Variants in MED4 observed in about 807,000 individuals in gnomAD.
MED4 encodes mediator of RNA polymerase II transcription subunit 4.
In MED4, 21 loss-of-function variants were observed where a neutral mutation model predicts 35.0. The ratio of observed to expected loss-of-function variants is 0.60; its 90% CI spans 0.43 to 0.86. The LOEUF (loss-of-function observed/expected upper bound fraction) is 0.86. MED4 is among the 40% of genes least tolerant of loss of function. The pLI is 0.00. For synonymous variants in MED4, 138 were observed against 114.0 expected (o/e 1.21, Z -1.34); for missense variants, 300 against 319.4 (o/e 0.94, Z 0.46).
chr13:48,087,243 TA>T (rs1281210778), intron 2 of MED4, among the ~76,000 whole-genome samples: 2 of 151,842 alleles, frequency 1.3e-5, no homozygotes, highest in Non-Finnish European at 2.9e-5. Context: ...TGCATGCCTA[TA>T]ATCCCAGGTA....
rs1360157326 is a variant in MED4 at position 48,095,103 on chromosome 13, G to A, written c.-25C>T. On this transcript the variant is annotated 5_prime_UTR_variant, in exon 1 of 7. Coordinates refer to ENST00000258648, the MANE Select transcript of MED4 (RefSeq NM_014166.4). ...TTTTCCCCAGAGTCCCGCCACCGGC[G>A]CACGCGCAGAGCGAGCTGACGCAGG... The A allele has an allele frequency of 1.9e-6, 3 of 1,600,268 alleles. No homozygotes were observed. The highest frequency in any genetic ancestry group is 2.2e-5 in the East Asian group (1 of 44,862).
intron 1 of MED4, among the ~76,000 whole-genome samples, chr13:48,091,296 A>C (rs1444956895): frequency 6.6e-6 from 1 of 152,226 alleles, no homozygotes; most frequent in Non-Finnish European, 1.5e-5. Flanking sequence ...GATGAGCAAA[A>C]TAAGATTGGG....
intron 4 of MED4, among the ~76,000 whole-genome samples, chr13:48,082,602 C>T (rs1182379938): frequency 6.6e-6 from 1 of 152,094 alleles, no homozygotes; most frequent in East Asian, 1.9e-4. Context: ...CCGAGGTGGG[C>T]AGATCACGAG....
At chr13:48,077,524 G>A in intron 6 of MED4, 1 of 342,838 alleles carries the variant, frequency 2.9e-6, no homozygotes, top group Non-Finnish European at 5.2e-6. Flanking sequence ...CAATCCTCCT[G>A]CCTCAGCCTC....
chr13:48,088,349 T>C (rs1297984059), intron 2 of MED4, among the ~76,000 whole-genome samples: 1 of 152,242 alleles, frequency 6.6e-6, no homozygotes, highest in Non-Finnish European at 1.5e-5. Flanking sequence ...GTTCTTCTCA[T>C]TTTATAGGAA....
In MED4 at chr13:48,094,154, G is replaced by A. The variant is rs552803322; in HGVS notation, c.125+800C>T. Among the ~76,000 whole-genome samples the A allele has an allele frequency of 2.0e-5, 3 of 152,316 alleles. No individual in the cohort carries two copies. In the South Asian group the frequency reaches 6.2e-4, roughly 32 times the overall value. ...GGCCAATATAAAAGGATAAAGTGCA[G>A]AAGCATGAGGCAATTAAAACTGTTT... On this transcript the variant is annotated intron_variant, in intron 1 of 6. Transcript: ENST00000258648.
rs1336853640 is a variant in MED4 at position 48,076,711 on chromosome 13, CACAA to C, written c.*424_*427del. 6.5e-6 allele frequency: 1 copy of C among 152,866 alleles called. No individual in the cohort carries two copies. Among genetic ancestry groups the C allele is most frequent in the Non-Finnish European group, 1.5e-5 (1 of 68,526 alleles). 9.5% of individuals were successfully genotyped at this position (152,866 alleles called of 1,614,324 possible). A position where few individuals can be genotyped will look rare whatever the true frequency, so the allele number is the denominator to read the frequency against. The stretch of plus-strand genomic sequence containing the variant: ...CAGTTTTTGTTACTTTTAAATGACA[CACAA>C]AAAGAAATATGATGCCTATTCAGTC... On this transcript the variant is annotated 3_prime_UTR_variant, in exon 7 of 7. Coordinates refer to ENST00000258648, the MANE Select transcript of MED4 (RefSeq NM_014166.4).
chr13:48,084,041 A>C (rs928485814), intron 3 of MED4, among the ~76,000 whole-genome samples: 1 of 152,120 alleles, frequency 6.6e-6, no homozygotes, highest in South Asian at 2.1e-4. Context: ...CAGGCAGATC[A>C]TTTGAGATCA....
intron 1 of MED4, chr13:48,093,532 C>T (rs999874884): frequency 2.2e-6 from 1 of 445,954 alleles, no homozygotes; most frequent in Non-Finnish European, 4.6e-6. Context: ...ATCACAGAAT[C>T]AGTACACATA....
intron 1 of MED4, among the ~76,000 whole-genome samples, chr13:48,093,071 G>T (rs1276493410): frequency 1.3e-5 from 2 of 152,180 alleles, no homozygotes; most frequent in Non-Finnish European, 2.9e-5. Flanking sequence ...TAAAAAGAAG[G>T]TGCATTCCCA....
Position 48,076,742 on chromosome 13 carries a change from T to C in MED4, c.*397A>G. ...AAGAAATATGATGCCTATTCAGTCA[T>C]CCACTGCCAGTTTAAAAATGCTTTT... On this transcript the variant is annotated 3_prime_UTR_variant, in exon 7 of 7. Coordinates refer to ENST00000258648, the MANE Select transcript of MED4 (RefSeq NM_014166.4). The C allele has an allele frequency of 6.5e-6, 1 of 154,760 alleles. No homozygotes were observed. Among genetic ancestry groups the C allele is most frequent in the Non-Finnish European group, 1.4e-5 (1 of 69,776 alleles). 9.6% of individuals were successfully genotyped at this position (154,760 alleles called of 1,614,324 possible).
intron 5 of MED4, among the ~76,000 whole-genome samples, chr13:48,080,727 T>C (rs927351638): frequency 2.7e-5 from 4 of 146,172 alleles, no homozygotes; most frequent in African/African-American, 1.1e-4. Flanking sequence ...AGAAGGACTG[T>C]CTCAATTTAA....
chr13:48,084,190 G>A (rs527839656), intron 3 of MED4, among the ~76,000 whole-genome samples: 1 of 150,028 alleles, frequency 6.7e-6, no homozygotes, highest in South Asian at 2.1e-4. Flanking sequence ...AACCCAGGAG[G>A]CAGAGGTTGC....
In MED4 at chr13:48,079,991, C is replaced by T; in HGVS notation, c.509-16G>A. ...CGGGGGTCCCCTAAAACAATAAAGA[C>T]TGCATTTAATTCAATCATATTTTAA... On this transcript the variant is annotated splice_polypyrimidine_tract_variant and intron_variant, in intron 5 of 6. Coordinates refer to ENST00000258648, the MANE Select transcript of MED4 (RefSeq NM_014166.4). 6.2e-7 allele frequency: 1 copy of T among 1,608,490 alleles called. No individual in the cohort carries two copies. The highest frequency in any genetic ancestry group is 1.1e-5 in the South Asian group (1 of 90,086).
rs117244170 is a variant in MED4 at position 48,078,866 on chromosome 13, G to A, written c.640+978C>T. On this transcript the variant is annotated intron_variant, in intron 6 of 6. Coordinates refer to ENST00000258648, the MANE Select transcript of MED4 (RefSeq NM_014166.4). The stretch of plus-strand genomic sequence containing the variant: ...CATACAAAGCATTATTAATGACACA[G>A]GGACAGCCTTATGATGTAACATTAA... Among the ~76,000 whole-genome samples, 397 of 152,246 alleles carry A rather than the reference G, an allele frequency of 2.6e-3. 1 individual carries two copies. The highest frequency in any genetic ancestry group is 4.4e-3 in the Non-Finnish European group (297 of 68,016).
At chr13:48,079,633 G>A (rs187689054) in intron 6 of MED4, 27 of 452,336 alleles carry the variant, frequency 6.0e-5, no homozygotes, top group South Asian at 3.5e-4. Flanking sequence ...CCAGCTACTC[G>A]GGAGGCTGAG....
At position 48,077,191 on chromosome 13, in the gene MED4, T is replaced by C. The variant is rs990270557; in HGVS notation, c.761A>G (p.Asp254Gly). The part of the protein sequence containing the change: ...PPGHNKENED[D>G]VEIMSTDSSS... ...GGAGTCCGTTGACATAATCTCTACA[T>C]CATCTTCATTTTCTTTATTATGCCC... Residue 254 changes from aspartate to glycine, a missense_variant, in exon 7 of 7, where the codon GAT becomes GGT. By Grantham distance (94) the Asp-to-Gly change is moderately conservative. Coordinates refer to ENST00000258648, the MANE Select transcript of MED4 (RefSeq NM_014166.4). 62 of 1,608,928 alleles carry C rather than the reference T, an allele frequency of 3.9e-5. No individual in the cohort carries two copies. Among genetic ancestry groups the C allele is most frequent in the Non-Finnish European group, 5.1e-5 (60 of 1,178,442 alleles).
In MED4 at chr13:48,079,952, T is replaced by G; in HGVS notation, c.532A>C (p.Thr178Pro). ...VPGDPRRPYP[T>P]DLEMRSGLLG... ...AACCCACTTCTCATCTCTAAATCAG[T>G]TGGGTAGGGTCTCCGGGGGTCCCCT... The change falls in exon 6 of 7, where the codon ACT becomes CCT. Residue 178 changes from threonine (T) to proline (P), a missense_variant. Physicochemically the swap from Thr to Pro is conservative, Grantham distance 38 (BLOSUM62 -1). Coordinates refer to ENST00000258648, the MANE Select transcript of MED4 (RefSeq NM_014166.4). 1 of 1,613,796 alleles carries G rather than the reference T, an allele frequency of 6.2e-7. No homozygotes were observed. Among genetic ancestry groups the G allele is most frequent in the Non-Finnish European group, 8.5e-7 (1 of 1,179,756 alleles).
At position 48,092,762 on chromosome 13, in the gene MED4, G is replaced by A. The variant is rs115100199; in HGVS notation, c.125+2192C>T. On this transcript the variant is annotated intron_variant, in intron 1 of 6. Coordinates refer to ENST00000258648, the MANE Select transcript of MED4 (RefSeq NM_014166.4). ...GTACGCCACAAGTGAGACATAGACG[G>A]TTGAGAACCTCTGGTCTAAGTAAAA... Among the ~76,000 whole-genome samples, 524 of 152,316 alleles carry A rather than the reference G, an allele frequency of 3.4e-3. 2 individuals are homozygous for A. Among genetic ancestry groups the A allele is most frequent in the African/African-American group, 0.012 (498 of 41,568 alleles).
Sources: allele counts gnomAD v4.1 joint callset (sites outside exome capture counted in the v4.1 genomes callset), GRCh38; gene constraint gnomAD v4.1.1; transcripts MANE v1.5; gene names NCBI Gene and HGNC (gene_info 2026-07-23, HGNC 2026-07-21).